EYS: variants seen among roughly 807,000 people sequenced by gnomAD.
EYS encodes protein eyes shut homolog.
A neutral mutation model predicts 282.1 loss-of-function variants in EYS; 250 were observed. That is an observed-to-expected ratio of 0.89 (90% CI 0.80 to 0.98). The LOEUF is 0.98. Ranked by LOEUF, EYS falls within the 50% of genes least tolerant of loss-of-function variation. EYS has a pLI of 0.00. For missense variants in EYS, 4,016 were observed against 3,709.0 expected, an observed-to-expected ratio of 1.08 and a Z score of -2.15; for synonymous variants, 1,355 against 1,282.9, an observed-to-expected ratio of 1.06 and a Z score of -1.20.
chr6:65,005,760 G>T (rs72875997), intron 13 of EYS, among the ~76,000 whole-genome samples: 1 of 121,964 alleles, frequency 8.2e-6, no homozygotes, highest in African/African-American at 2.6e-5. Flanking sequence ...GCTGAGGACC[G>T]ACTAGAGGTA....
chr6:65,277,477 C>T (rs944388668), intron 12 of EYS, among the ~76,000 whole-genome samples: 7 of 149,134 alleles, frequency 4.7e-5, no homozygotes, highest in African/African-American at 1.2e-4. Flanking sequence ...CCCCGGAAAA[C>T]TTTTTTTCCT....
At chr6:64,621,960 C>G (rs1483047062) in intron 23 of EYS, among the ~76,000 whole-genome samples, 1 of 152,260 alleles carries the variant, frequency 6.6e-6, no homozygotes, top group Non-Finnish European at 1.5e-5. Context: ...ATACATGGTA[C>G]TATTTCGGCT....
At chr6:63,838,404 C>T (rs1377390873) in intron 36 of EYS, among the ~76,000 whole-genome samples, 1 of 152,102 alleles carries the variant, frequency 6.6e-6, no homozygotes, top group Non-Finnish European at 1.5e-5. Flanking sequence ...CTTCAAATTC[C>T]TCTAGGGTCC....
At chr6:63,761,855 C>G (rs1769651151) in intron 41 of EYS, among the ~76,000 whole-genome samples, 1 of 152,040 alleles carries the variant, frequency 6.6e-6, no homozygotes, top group Non-Finnish European at 1.5e-5. Context: ...TAATGCTATT[C>G]TGGAAGTCCC....
At chr6:65,571,871 T>C (rs1764487947) in intron 2 of EYS, among the ~76,000 whole-genome samples, 1 of 152,208 alleles carries the variant, frequency 6.6e-6, no homozygotes, top group East Asian at 1.9e-4. Flanking sequence ...ATGTCAATTA[T>C]GCCTAAATTT....
intron 39 of EYS, among the ~76,000 whole-genome samples, chr6:63,778,443 T>C (rs750477447): frequency 1.3e-5 from 2 of 152,090 alleles, no homozygotes; most frequent in Admixed American, 6.5e-5. Flanking sequence ...CATATTTTCT[T>C]TTAAACAAAA....
intron 23 of EYS, among the ~76,000 whole-genome samples, chr6:64,618,613 A>T (rs942051822): frequency 6.6e-6 from 1 of 152,182 alleles, no homozygotes; most frequent in South Asian, 2.1e-4. Flanking sequence ...ACATATTTTG[A>T]GGTACTTAGA....
chr6:64,683,896 T>G (rs1043138255), intron 22 of EYS, among the ~76,000 whole-genome samples: 2 of 152,136 alleles, frequency 1.3e-5, no homozygotes, highest in African/African-American at 4.8e-5. Context: ...TTCCTCCTTA[T>G]CAGCAGCCAA....
intron 24 of EYS, among the ~76,000 whole-genome samples, chr6:64,609,999 A>G (rs1313130323): frequency 6.6e-6 from 1 of 152,056 alleles, no homozygotes; most frequent in African/African-American, 2.4e-5. Flanking sequence ...AAATAAATGG[A>G]TAACATTTAT....
intron 11 of EYS, among the ~76,000 whole-genome samples, chr6:65,323,277 TCTAA>T (rs1442607046): frequency 3.5e-5 from 5 of 143,192 alleles, no homozygotes; most frequent in Non-Finnish European, 7.5e-5. Context: ...CCCTCACTTG[TCTAA>T]CTATTTTATA....
intron 31 of EYS, among the ~76,000 whole-genome samples, chr6:64,153,721 G>A (rs1774819549): frequency 6.6e-6 from 1 of 152,194 alleles, no homozygotes; most frequent in African/African-American, 2.4e-5. Context: ...AAGCTACTAT[G>A]AAGAGCAATT....
intron 8 of EYS, among the ~76,000 whole-genome samples, chr6:65,380,639 A>G (rs1765574459): frequency 6.6e-6 from 1 of 151,474 alleles, no homozygotes; most frequent in Non-Finnish European, 1.5e-5. Context: ...ATCAAAATGA[A>G]GAGCTTCTGC....
intron 26 of EYS, among the ~76,000 whole-genome samples, chr6:64,543,225 C>A (rs1764743382): frequency 6.6e-6 from 1 of 151,956 alleles, no homozygotes; most frequent in African/African-American, 2.4e-5. Context: ...GTTTTGTATT[C>A]CCCTTTGACT....
intron 41 of EYS, among the ~76,000 whole-genome samples, chr6:63,729,941 A>T (rs1768740471): frequency 6.6e-6 from 1 of 152,126 alleles, no homozygotes; most frequent in African/African-American, 2.4e-5. Flanking sequence ...TGTCAGCTTC[A>T]GTTTTATATA....
At position 64,912,579 on chromosome 6, in the gene EYS, C is replaced by A. The variant is rs775080539; in HGVS notation, c.2546G>T (p.Arg849Leu). The A allele has an allele frequency of 6.4e-7, 1 of 1,551,184 alleles. No individual in the cohort carries two copies. Residue 849 changes from arginine (R) to leucine (L), a missense_variant, in exon 16 of 43, where the codon CGC (arginine) becomes CTC (leucine). Coordinates refer to ENST00000503581, the MANE Select transcript of EYS (RefSeq NM_001142800.2). ...ATGAAGTAGGTCACAAAGGTTATAG[C>A]GTTGGTGGCAAAATTGTCCAGTATA... Reference protein sequence around the residue: ...PLYTGQFCHQRYNLCDLLHNP... With the variant: ...PLYTGQFCHQLYNLCDLLHNP...
At chr6:63,944,147 T>C (rs1248327012) in intron 35 of EYS, among the ~76,000 whole-genome samples, 1 of 152,180 alleles carries the variant, frequency 6.6e-6, no homozygotes, top group Non-Finnish European at 1.5e-5. Flanking sequence ...TAGTTTGTGT[T>C]GGGTTTCTGT....
chr6:64,945,931 TTA>T lies in EYS; in HGVS notation c.2260-19_2260-18del, dbSNP rs1381790736. 5 of 1,531,030 alleles carry T rather than the reference TTA, an allele frequency of 3.3e-6. No individual in the cohort carries two copies. The African/African-American group carries it at 6.9e-5, about 21-fold the overall frequency. 94.8% of individuals were successfully genotyped at this position (1,531,030 alleles called of 1,614,324 possible). A position where few individuals can be genotyped will look rare whatever the true frequency, so the allele number is the denominator to read the frequency against. ...CTGGTAGCTCTAAGAGAATATGAAA[TTA>T]TATATTTTTAGGCTATTTCTTACTA... On this transcript the variant is annotated intron_variant, in intron 14 of 42. Coordinates refer to ENST00000503581, the MANE Select transcript of EYS (RefSeq NM_001142800.2).
intron 15 of EYS, among the ~76,000 whole-genome samples, chr6:64,938,906 G>C (rs1405252458): frequency 6.6e-6 from 1 of 151,584 alleles, no homozygotes; most frequent in Non-Finnish European, 1.5e-5. Context: ...ATCCACTGGG[G>C]GTCTTGGAAC....
intron 12 of EYS, among the ~76,000 whole-genome samples, chr6:65,099,779 T>C (rs1343329577): frequency 2.0e-5 from 3 of 150,882 alleles, no homozygotes; most frequent in East Asian, 1.9e-4. Flanking sequence ...CATAAAAATA[T>C]TGTACACCAA....
Sources: gnomAD v4.1 joint callset for allele counts (sites outside exome capture counted in the v4.1 genomes callset) on GRCh38, gnomAD v4.1.1 for gene constraint, MANE v1.5 for transcripts, NCBI Gene and HGNC (gene_info 2026-07-23, HGNC 2026-07-21) for gene names.